ZNF704: variants seen among roughly 807,000 people sequenced by gnomAD.
ZNF704 encodes the protein zinc finger protein 704, also known as glucocorticoid induced gene 1.
In ZNF704, 10 loss-of-function variants were observed where a neutral mutation model predicts 44.7. The observed-to-expected ratio is 0.22, with a 90% CI of 0.14 to 0.38. The LOEUF (loss-of-function observed/expected upper bound fraction) is 0.38, where lower values mean the gene tolerates loss of function less well. Among genes scored for constraint, ZNF704 ranks in the 10% least tolerant of loss-of-function variants. ZNF704 has a pLI of 1.00. For synonymous variants in ZNF704, 211 were observed against 207.6 expected, an observed-to-expected ratio of 1.02 and a Z score of -0.14; for missense variants, 390 against 545.5, an observed-to-expected ratio of 0.71 and a Z score of 2.84.
At chr8:80,781,535 G>A (rs547379177) in intron 2 of ZNF704, among the ~76,000 whole-genome samples, 1 of 152,258 alleles carries the variant, frequency 6.6e-6, no homozygotes, top group South Asian at 2.1e-4. Context: ...TGGTCTATGG[G>A]CCACAGTTTG....
intron 1 of ZNF704, among the ~76,000 whole-genome samples, chr8:80,830,753 C>CTTTCTTTTT (rs1554585536): frequency 5.0e-4 from 45 of 89,132 alleles, no homozygotes; most frequent in Non-Finnish European, 6.5e-4. Context: ...GTGTTTCTTT[C>CTTTCTTTTT]TTTTTTTTTT....
chr8:80,829,394 A>G (rs1264195706), intron 1 of ZNF704, among the ~76,000 whole-genome samples: 1 of 152,218 alleles, frequency 6.6e-6, no homozygotes, highest in African/African-American at 2.4e-5. Flanking sequence ...GGATAAAAAA[A>G]GAAAACAAAG....
chr8:80,665,137 GAAATCTTGCACATGCATTT>G, intron 5 of ZNF704, 55 bp from the exon 6 acceptor site: 1 of 1,585,020 alleles, frequency 6.3e-7, no homozygotes, highest in African/African-American at 1.3e-5. Flanking sequence ...TTCTTGCCTT[GAAATCTTGCACATGCATTT>G]CCCCTCTGTC....
At chr8:80,778,693 A>G (rs1586020790) in intron 2 of ZNF704, among the ~76,000 whole-genome samples, 1 of 152,066 alleles carries the variant, frequency 6.6e-6, no homozygotes, top group Non-Finnish European at 1.5e-5. Context: ...AGAATGAGAT[A>G]ATGTCTTTTG....
In ZNF704 at chr8:80,691,910, C is replaced by G. The variant is rs144407974; in HGVS notation, c.325+1094G>C. Among the ~76,000 whole-genome samples the G allele has an allele frequency of 1.6e-3, 240 of 152,326 alleles. 2 individuals carry two copies. The East Asian group carries it at 0.016, about 10-fold the overall frequency. ...AGCACACCAACTGCCTGGAAGTCAT[C>G]CTTGACACACCCTCCTGCTCACTCT... On this transcript the variant is annotated intron_variant, in intron 3 of 8. Transcript: ENST00000327835.
At chr8:80,879,790 A>G in the ZNF704 span, among the ~76,000 whole-genome samples, 1 of 152,290 alleles carries the variant, frequency 6.6e-6, no homozygotes, top group East Asian at 1.9e-4. Context: ...TGTTCAATCT[A>G]AGATGTGTAA....
Position 80,639,561 on chromosome 8 carries a change from G to GA in ZNF704, c.*1804dup. ...TTCTCTTAAAATAAATGTTTTTAAAGAAAAAAATAAATGAAGAAAAAAACC... is the reference window on the plus strand; with the variant it reads ...TTCTCTTAAAATAAATGTTTTTAAAGAAAAAAAATAAATGAAGAAAAAAACC... On this transcript the variant is annotated 3_prime_UTR_variant, in exon 9 of 9. Transcript: ENST00000327835. The GA allele has an allele frequency of 2.0e-5, 3 of 151,912 alleles. No homozygotes were observed. The South Asian group carries it at 6.2e-4, about 32-fold the overall frequency. 9.4% of individuals were successfully genotyped at this position (151,912 alleles called of 1,614,324 possible). A position where few individuals can be genotyped will look rare whatever the true frequency, so the allele number is the denominator to read the frequency against.
intron 2 of ZNF704, among the ~76,000 whole-genome samples, chr8:80,737,399 C>T (rs1256564344): frequency 6.6e-6 from 1 of 152,222 alleles, no homozygotes; most frequent in African/African-American, 2.4e-5. Flanking sequence ...CCCTTGCTAA[C>T]TGTTGGTAGG....
chr8:80,851,272 G>T (rs1467746313), intron 1 of ZNF704, among the ~76,000 whole-genome samples: 1 of 152,108 alleles, frequency 6.6e-6, no homozygotes, highest in Non-Finnish European at 1.5e-5. Flanking sequence ...ACATGCAAAT[G>T]TATGTTTATA....
intron 4 of ZNF704, among the ~76,000 whole-genome samples, chr8:80,684,801 C>T (rs2131629091): frequency 6.6e-6 from 1 of 152,246 alleles, no homozygotes; most frequent in Middle Eastern, 3.4e-3. Context: ...ATTCTCAGGG[C>T]AATAAGCATT....
intron 2 of ZNF704, among the ~76,000 whole-genome samples, chr8:80,779,124 C>T (rs984084429): frequency 6.6e-6 from 1 of 151,486 alleles, no homozygotes; most frequent in Admixed American, 6.6e-5. Flanking sequence ...TTCATTCTTT[C>T]CTTTCTCTTT....
intron 2 of ZNF704, among the ~76,000 whole-genome samples, chr8:80,753,576 G>C (rs969570981): frequency 6.6e-6 from 1 of 152,134 alleles, no homozygotes; most frequent in African/African-American, 2.4e-5. Context: ...TTCTTCAAAA[G>C]CAGTGAACAC....
chr8:80,775,315 A>G (rs1384916735), intron 2 of ZNF704, among the ~76,000 whole-genome samples: 2 of 152,178 alleles, frequency 1.3e-5, no homozygotes, highest in African/African-American at 2.4e-5. Flanking sequence ...TTCTTTCTCT[A>G]TTTACCTGAC....
intron 1 of ZNF704, among the ~76,000 whole-genome samples, chr8:80,839,031 C>T (rs879924232): frequency 2.6e-5 from 4 of 152,222 alleles, no homozygotes; most frequent in Admixed American, 1.3e-4. Flanking sequence ...GGCCTGGCTT[C>T]GGCTGTCTCT....
chr8:80,780,694 C>T (rs549361678), intron 2 of ZNF704, among the ~76,000 whole-genome samples: 266 of 152,154 alleles, frequency 1.7e-3, no homozygotes, highest in Non-Finnish European at 2.6e-3. Context: ...AATGCGATCA[C>T]TGGGGCAGAG....
intron 1 of ZNF704, among the ~76,000 whole-genome samples, chr8:80,852,803 C>T (rs547988706): frequency 1.3e-5 from 2 of 152,278 alleles, no homozygotes; most frequent in South Asian, 2.1e-4. Context: ...ATGTTTCTCA[C>T]TGAATTCAGA....
chr8:80,806,005 G>A (rs542857433), intron 2 of ZNF704, among the ~76,000 whole-genome samples: 17 of 152,244 alleles, frequency 1.1e-4, no homozygotes, highest in African/African-American at 4.1e-4. Context: ...ACTCCTCAGT[G>A]GAAAAATACC....
intron 6 of ZNF704, 43 bp from the exon 7 acceptor site, chr8:80,659,732 T>G: frequency 4.6e-4 from 630 of 1,382,782 alleles, no homozygotes; most frequent in Non-Finnish European, 5.5e-4. Context: ...AAGGAATATT[T>G]TCCTTCGGAG....
chr8:80,663,101 C>T (rs1184479214), intron 6 of ZNF704, among the ~76,000 whole-genome samples: 1 of 151,998 alleles, frequency 6.6e-6, no homozygotes, highest in Non-Finnish European at 1.5e-5. Flanking sequence ...AATTAATGGC[C>T]AGGCATGGTG....
Sources: allele counts gnomAD v4.1 joint callset (sites outside exome capture counted in the v4.1 genomes callset), GRCh38; gene constraint gnomAD v4.1.1; transcripts MANE v1.5; gene names NCBI Gene and HGNC (gene_info 2026-07-23, HGNC 2026-07-21).